BICRA: variants seen among roughly 807,000 people sequenced by gnomAD.
BICRA encodes BRD4 interacting chromatin remodeling complex associated protein, also known as BRD4-interacting chromatin-remodeling complex-associated protein.
A neutral mutation model predicts 96.9 loss-of-function variants in BICRA; 31 were observed. That is an observed-to-expected ratio of 0.32 (90% CI 0.24 to 0.43). The LOEUF (loss-of-function observed/expected upper bound fraction) is 0.43, where lower values mean the gene tolerates loss of function less well. BICRA is among the 20% of genes least tolerant of loss of function. The pLI is 1.00. For missense variants in BICRA, 2,283 were observed against 2,190.3 expected, an observed-to-expected ratio of 1.04 and a Z score of -0.84; for synonymous variants, 1,350 against 1,071.8, an observed-to-expected ratio of 1.26 and a Z score of -5.07.
At chr19:47,688,354 G>A (rs1973189786) in intron 7 of BICRA, among the ~76,000 whole-genome samples, 1 of 152,102 alleles carries the variant, frequency 6.6e-6, no homozygotes, top group Admixed American at 6.6e-5. Flanking sequence ...AGCTAAGATG[G>A]GGGATCACTT....
chr19:47,690,337 CTG>C (rs1047432626), intron 7 of BICRA, among the ~76,000 whole-genome samples: 3 of 152,312 alleles, frequency 2.0e-5, no homozygotes, highest in African/African-American at 7.2e-5. Flanking sequence ...ATATGCAGGT[CTG>C]TTTACTTCCT....
At chr19:47,693,086 G>A (rs890414203) in intron 7 of BICRA, among the ~76,000 whole-genome samples, 12 of 152,180 alleles carry the variant, frequency 7.9e-5, no homozygotes, top group African/African-American at 1.2e-4. Context: ...GCGGGAGGCC[G>A]GCCATTCGTG....
At chr19:47,676,199 A>G (rs1972938344) in intron 5 of BICRA, among the ~76,000 whole-genome samples, 1 of 152,074 alleles carries the variant, frequency 6.6e-6, no homozygotes, top group South Asian at 2.1e-4. Context: ...GGGGTGGCTC[A>G]TGCAGAGTGG....
At chr19:47,666,569 G>T (rs745447965) in intron 1 of BICRA, among the ~76,000 whole-genome samples, 1 of 136,112 alleles carries the variant, frequency 7.3e-6, no homozygotes, top group Non-Finnish European at 1.6e-5. Flanking sequence ...GAGCCACCAC[G>T]CCCGGCCTTC....
intron 10 of BICRA, among the ~76,000 whole-genome samples, chr19:47,696,166 G>A (rs1326322810): frequency 6.6e-6 from 1 of 152,080 alleles, no homozygotes; most frequent in Non-Finnish European, 1.5e-5. Flanking sequence ...AGAGGAGGGA[G>A]GTCACACAGA....
chr19:47,611,993 C>T (rs1035975073), intron 1 of BICRA, among the ~76,000 whole-genome samples: 1 of 151,872 alleles, frequency 6.6e-6, no homozygotes, highest in Non-Finnish European at 1.5e-5. Context: ...GCCTCAGCGT[C>T]CCGAGTAGCT....
intron 1 of BICRA, among the ~76,000 whole-genome samples, chr19:47,614,066 G>A (rs1341647003): frequency 6.6e-6 from 1 of 151,962 alleles, no homozygotes; most frequent in Non-Finnish European, 1.5e-5. Context: ...AGGAGGAGGA[G>A]AGAGAACGGT....
intron 4 of BICRA, among the ~76,000 whole-genome samples, chr19:47,674,844 C>G (rs1331786080): frequency 6.6e-6 from 1 of 152,164 alleles, no homozygotes; most frequent in Admixed American, 6.5e-5. Context: ...CCTTAATGAC[C>G]CAGTCTCCAA....
At chr19:47,609,129 G>C (rs1254772152), upstream of BICRA, 1 of 149,252 alleles carries the variant, frequency 6.7e-6, no homozygotes, top group Non-Finnish European at 1.5e-5. Flanking sequence ...GTGCGGGGCC[G>C]TCTCGGAGAC....
chr19:47,702,511 C>CCG lies in BICRA; in HGVS notation c.*97_*98insGC. 1 of 1,345,014 alleles carries CCG rather than the reference C, an allele frequency of 7.4e-7. No homozygotes were observed. Among genetic ancestry groups the CCG allele is most frequent in the Non-Finnish European group, 9.6e-7 (1 of 1,045,506 alleles). 83.3% of individuals were successfully genotyped at this position (1,345,014 alleles called of 1,614,324 possible). ...CCTCCTGGGGACTCGAGCCGGGGAT[C>CCG]CCCTGACGGTTTTTCTTGCCTAAGT... On this transcript the variant is annotated 3_prime_UTR_variant, in exon 15 of 15. Transcript: ENST00000594866.
At chr19:47,628,062 C>T (rs1004217892) in intron 1 of BICRA, among the ~76,000 whole-genome samples, 2 of 152,142 alleles carry the variant, frequency 1.3e-5, no homozygotes, top group African/African-American at 2.4e-5. Flanking sequence ...GCCACCGCGC[C>T]GGGCCAGGGT....
chr19:47,682,263 T>C (rs1479367051), intron 7 of BICRA, 111 bp downstream of exon 7: 7 of 585,046 alleles, frequency 1.2e-5, no homozygotes, highest in African/African-American at 9.5e-5. Flanking sequence ...TCTGCTGACT[T>C]GGAACACAGA....
chr19:47,616,604 A>C (rs1021162124), intron 1 of BICRA, among the ~76,000 whole-genome samples: 1 of 150,622 alleles, frequency 6.6e-6, no homozygotes, highest in African/African-American at 2.4e-5. Context: ...GCACGATTGC[A>C]CTCCAGCCAG....
intron 1 of BICRA, among the ~76,000 whole-genome samples, chr19:47,619,202 A>ATATG (rs1972027165): frequency 3.1e-4 from 1 of 3,274 alleles, no homozygotes; most frequent in Admixed American, 4.5e-3. Flanking sequence ...GTATATATAC[A>ATATG]TATATATATA....
At position 47,639,475 on chromosome 19, in the gene BICRA, C is replaced by T. The variant is rs138013383; in HGVS notation, c.-108+30307C>T. ...CCGAGTAGCTGGGACTACAGGCGCCCGCTACTACACACCAGGCTAATTTTT... is the reference window on the plus strand; with the variant it reads ...CCGAGTAGCTGGGACTACAGGCGCCTGCTACTACACACCAGGCTAATTTTT... On this transcript the variant is annotated intron_variant, in intron 1 of 14. Transcript: ENST00000594866. 2.2e-3 allele frequency among the ~76,000 whole-genome samples: 329 copies of T among 151,404 alleles called. 1 individual carries two copies. The highest frequency in any genetic ancestry group is 5.7e-3 in the African/African-American group (237 of 41,254).
chr19:47,610,447 T>C (rs1971885981), intron 1 of BICRA, among the ~76,000 whole-genome samples: 1 of 152,176 alleles, frequency 6.6e-6, no homozygotes, highest in African/African-American at 2.4e-5. Flanking sequence ...TTTTGCTTTG[T>C]GGTTCTGAGC....
Position 47,681,059 on chromosome 19 carries a change from C to G in BICRA, c.1889C>G (p.Ala630Gly), listed in dbSNP as rs1259412058. The change falls in exon 6 of 15, where the codon GCG (alanine) becomes GGG (glycine). Residue 630 changes from alanine (A) to glycine (G), a missense_variant. By Grantham distance (60) the Ala-to-Gly change is moderately conservative. Transcript: ENST00000594866. ...TVQPAPQAPP[A>G]VSTPLPLGLQ... ...CAGCCTGCCCCCCAGGCGCCCCCCG[C>G]GGTCAGCACACCCCTGCCCCTGGGC... 7.1e-7 allele frequency: 1 copy of G among 1,401,932 alleles called. No individual in the cohort carries two copies. Among genetic ancestry groups the G allele is most frequent in the Non-Finnish European group, 9.2e-7 (1 of 1,082,188 alleles). The allele number at this position is 1,401,932 out of a possible 1,614,324, so 86.8% of individuals were successfully genotyped here.
At chr19:47,650,366 C>T (rs917395587) in intron 1 of BICRA, among the ~76,000 whole-genome samples, 5 of 152,282 alleles carry the variant, frequency 3.3e-5, no homozygotes, top group Non-Finnish European at 4.4e-5. Context: ...CTCCCGACCT[C>T]GTGATCCTCC....
At chr19:47,646,112 C>G (rs2911009) in intron 1 of BICRA, among the ~76,000 whole-genome samples, 1 of 151,846 alleles carries the variant, frequency 6.6e-6, no homozygotes, top group African/African-American at 2.4e-5. Flanking sequence ...AAAAGAAAAA[C>G]GTAGAAAGAA....
Sources: allele counts gnomAD v4.1 joint callset (sites outside exome capture counted in the v4.1 genomes callset), GRCh38; gene constraint gnomAD v4.1.1; transcripts MANE v1.5; gene names NCBI Gene and HGNC (gene_info 2026-07-23, HGNC 2026-07-21).